The following NUDCD1 variants were observed in gnomAD, a reference collection of about 807,000 sequenced individuals.
The protein encoded by NUDCD1 is nudC domain-containing protein 1.
In NUDCD1, 60 loss-of-function variants were observed where a neutral mutation model predicts 67.8. The observed-to-expected ratio is 0.88, with a 90% CI of 0.72 to 1.10. NUDCD1 has a LOEUF of 1.10. Ranked by LOEUF, NUDCD1 falls within the 50% of genes least tolerant of loss-of-function variation. NUDCD1 has a pLI of 0.00. For missense variants in NUDCD1, 643 were observed against 695.0 expected (o/e 0.93, Z 0.84); for synonymous variants, 244 against 230.8 (o/e 1.06, Z -0.52).
Position 109,243,342 on chromosome 8 carries a change from T to G in NUDCD1, c.1460-41A>C, listed in dbSNP as rs763623274. 5 of 1,445,134 alleles carry G rather than the reference T, an allele frequency of 3.5e-6. No individual in the cohort carries two copies. In the East Asian group the frequency reaches 1.1e-4, roughly 33 times the overall value. 89.5% of individuals were successfully genotyped at this position (1,445,134 alleles called of 1,614,324 possible). A position where few individuals can be genotyped will look rare whatever the true frequency, so the allele number is the denominator to read the frequency against. ...GACAAACAAAAGAAAAACTATATAT[T>G]AAACAGAAGGGGAAAAATGATGATT... On this transcript the variant is annotated intron_variant, in intron 9 of 9. Coordinates refer to ENST00000239690, the MANE Select transcript of NUDCD1 (RefSeq NM_032869.4).
At chr8:109,290,064 G>A (rs1348927870) in intron 4 of NUDCD1, 131 bp from the exon 5 acceptor site, 1 of 463,870 alleles carries the variant, frequency 2.2e-6, no homozygotes, top group Non-Finnish European at 3.7e-6. Flanking sequence ...ACTATTAAGA[G>A]TCTTTTCATA....
chr8:109,265,505 CT>C (rs1305616066), intron 8 of NUDCD1, among the ~76,000 whole-genome samples: 1 of 152,332 alleles, frequency 6.6e-6, no homozygotes, highest in African/African-American at 2.4e-5. Flanking sequence ...GCCTTTCCTA[CT>C]TCCTTTCATA....
At chr8:109,317,457 T>C (rs1264874136) in intron 2 of NUDCD1, among the ~76,000 whole-genome samples, 1 of 152,186 alleles carries the variant, frequency 6.6e-6, no homozygotes, top group Non-Finnish European at 1.5e-5. Context: ...ACAAACATCC[T>C]ATGCCTCAGT....
At chr8:109,263,722 G>C (rs912547838) in intron 8 of NUDCD1, among the ~76,000 whole-genome samples, 3 of 152,148 alleles carry the variant, frequency 2.0e-5, no homozygotes, top group African/African-American at 7.2e-5. Context: ...TTGGGTTGGG[G>C]AGGGGGGTGC....
rs573456276 is a variant in NUDCD1, at chr8:109,322,555, A to G, written c.119-92T>C. 16 of 896,198 alleles carry G rather than the reference A, an allele frequency of 1.8e-5. No individual in the cohort carries two copies. The South Asian group carries it at 2.9e-4, about 16-fold the overall frequency. 55.5% of individuals were successfully genotyped at this position (896,198 alleles called of 1,614,324 possible). Reference sequence around the variant, plus strand: ...TGCCTACAAGGCAAAAAAAAAAATCACAGAATGCCAATCACAAAGGCCTTC... The same window carrying G: ...TGCCTACAAGGCAAAAAAAAAAATCGCAGAATGCCAATCACAAAGGCCTTC... On this transcript the variant is annotated intron_variant, in intron 1 of 9. Coordinates refer to ENST00000239690, the MANE Select transcript of NUDCD1 (RefSeq NM_032869.4).
intron 8 of NUDCD1, among the ~76,000 whole-genome samples, chr8:109,270,116 A>G (rs1814111609): frequency 7.5e-6 from 1 of 133,790 alleles, no homozygotes; most frequent in African/African-American, 2.9e-5. Context: ...ATATGCATAT[A>G]TGGCACACCA....
At chr8:109,313,858 A>G (rs1229125059) in intron 2 of NUDCD1, 1 of 1,062,962 alleles carries the variant, frequency 9.4e-7, no homozygotes, top group Admixed American at 2.3e-5. Flanking sequence ...TGGGTACAAT[A>G]TCCAATAGAA....
chr8:109,291,755 G>A (rs1814717355), intron 4 of NUDCD1, among the ~76,000 whole-genome samples: 1 of 152,138 alleles, frequency 6.6e-6, no homozygotes, highest in Non-Finnish European at 1.5e-5. Context: ...TATTTGTCCA[G>A]CTGAGGCAAA....
chr8:109,290,820 T>C (rs974875389), intron 4 of NUDCD1, among the ~76,000 whole-genome samples: 1 of 152,194 alleles, frequency 6.6e-6, no homozygotes, highest in Admixed American at 6.5e-5. Flanking sequence ...AATCACAACT[T>C]AATGTCATAT....
intron 5 of NUDCD1, among the ~76,000 whole-genome samples, chr8:109,285,684 T>C (rs1218049097): frequency 1.3e-5 from 2 of 152,142 alleles, no homozygotes; most frequent in Non-Finnish European, 2.9e-5. Flanking sequence ...GAGCCATCTA[T>C]GACAAACTCA....
At chr8:109,312,643 A>C (rs1815285830) in intron 2 of NUDCD1, among the ~76,000 whole-genome samples, 1 of 152,216 alleles carries the variant, frequency 6.6e-6, no homozygotes, top group South Asian at 2.1e-4. Flanking sequence ...GCCAATAAAA[A>C]CTAGGAAAAA....
intron 2 of NUDCD1, among the ~76,000 whole-genome samples, chr8:109,304,407 T>C (rs1815057639): frequency 6.6e-6 from 1 of 152,156 alleles, no homozygotes. Context: ...GCAGTTCCAC[T>C]AGGCCTAATC....
intron 1 of NUDCD1, among the ~76,000 whole-genome samples, chr8:109,329,040 C>A (rs975877662): frequency 6.6e-6 from 1 of 150,400 alleles, no homozygotes; most frequent in Non-Finnish European, 1.5e-5. Flanking sequence ...AAGAAAGATG[C>A]AAAAGATTTA....
At chr8:109,324,812 C>T (rs1053968641) in intron 1 of NUDCD1, among the ~76,000 whole-genome samples, 10 of 152,188 alleles carry the variant, frequency 6.6e-5, no homozygotes, top group African/African-American at 1.4e-4. Flanking sequence ...CAAGGCCGGG[C>T]GCCGAGGCTC....
chr8:109,245,503 A>C, intron 8 of NUDCD1, 22 bp from the exon 9 acceptor site: 1 of 1,575,218 alleles, frequency 6.3e-7, no homozygotes, highest in Non-Finnish European at 8.6e-7. Context: ...TTTAAAAAAA[A>C]ATTTACTCAA....
intron 8 of NUDCD1, among the ~76,000 whole-genome samples, chr8:109,249,887 C>T (rs1360444603): frequency 6.7e-6 from 1 of 148,286 alleles, no homozygotes; most frequent in African/African-American, 2.5e-5. Context: ...ACTCTGTCAC[C>T]CAGGCTGGTG....
intron 8 of NUDCD1, among the ~76,000 whole-genome samples, chr8:109,262,152 ATTGTT>A (rs1195725409): frequency 1.3e-5 from 2 of 152,214 alleles, no homozygotes; most frequent in Non-Finnish European, 2.9e-5. Context: ...TTTACTTCGT[ATTGTT>A]TTAAGTTAAT....
In NUDCD1 at chr8:109,243,171, A is replaced by C. The variant is rs1813411077; in HGVS notation, c.1590T>G (p.Leu530=). 1 of 1,613,784 alleles carries C rather than the reference A, an allele frequency of 6.2e-7. No individual in the cohort carries two copies. The highest frequency in any genetic ancestry group is 8.5e-7 in the Non-Finnish European group (1 of 1,179,842). ...CTTGCCTGCCTTCCTTTCTGTTGTA[A>C]AGTACAGTGGACATGGGAGCAGGCT... is the stretch of plus-strand genomic sequence containing the variant. The part of the protein sequence containing the change: ...YRQPAPMSTV[L]YNRKEGRQVG... Residue 530 remains leucine (L), a synonymous_variant, in exon 10 of 10, where the codon CTT becomes CTG. Coordinates refer to ENST00000239690, the MANE Select transcript of NUDCD1 (RefSeq NM_032869.4).
intron 5 of NUDCD1, among the ~76,000 whole-genome samples, chr8:109,289,304 T>C (rs796340444): frequency 1.3e-5 from 2 of 152,226 alleles, no homozygotes; most frequent in African/African-American, 4.8e-5. Context: ...ATAACCTTCA[T>C]TCATTCATTC....
Sources: allele counts gnomAD v4.1 joint callset (sites outside exome capture counted in the v4.1 genomes callset), GRCh38; gene constraint gnomAD v4.1.1; transcripts MANE v1.5; gene names NCBI Gene and HGNC (gene_info 2026-07-23, HGNC 2026-07-21).